FBXL20: variants seen among roughly 807,000 people sequenced by gnomAD.
The protein encoded by FBXL20 is F-box and leucine rich repeat protein 20.
FBXL20 carries 11 observed loss-of-function variants against 64.0 expected under a neutral mutation model. The observed-to-expected ratio is 0.17, with a 90% CI of 0.11 to 0.28. The LOEUF (loss-of-function observed/expected upper bound fraction) is 0.28. FBXL20 is among the 10% of genes least tolerant of loss of function. The pLI, the probability that FBXL20 is intolerant of heterozygous loss-of-function variation, is 1.00. For missense variants in FBXL20, 303 were observed against 526.2 expected, an observed-to-expected ratio of 0.58 and a Z score of 4.15; for synonymous variants, 184 against 189.0, an observed-to-expected ratio of 0.97 and a Z score of 0.22.
At chr17:39,365,236 T>C (rs1359047168) in intron 1 of FBXL20, among the ~76,000 whole-genome samples, 2 of 152,258 alleles carry the variant, frequency 1.3e-5, no homozygotes, top group East Asian at 3.8e-4. Context: ...CATTCCTTCA[T>C]TCAACCAACA....
chr17:39,400,736 T>C (rs762947423), intron 1 of FBXL20, among the ~76,000 whole-genome samples: 9 of 152,056 alleles, frequency 5.9e-5, no homozygotes, highest in African/African-American at 2.2e-4. Flanking sequence ...TGAACTTTCG[T>C]CCCAATCTCA....
chr17:39,278,524 T>C (rs1004694401), intron 9 of FBXL20, among the ~76,000 whole-genome samples: 7 of 150,774 alleles, frequency 4.6e-5, no homozygotes, highest in African/African-American at 1.5e-4. Context: ...CTGTGGTTGA[T>C]CTCTCAGGAG....
At chr17:39,363,215 T>A (rs1377660612) in intron 1 of FBXL20, among the ~76,000 whole-genome samples, 1 of 151,588 alleles carries the variant, frequency 6.6e-6, no homozygotes, top group Non-Finnish European at 1.5e-5. Flanking sequence ...GGTTTCTCCA[T>A]GTTGGTCAGG....
rs2046679215 is a variant in FBXL20, at chr17:39,254,671, T to A, written c.*6789A>T. ...TCAGAGAGGAAAGTAAATGTACCCA[T>A]GTGTGACACAGCCATCACTATGTAT... is the stretch of plus-strand genomic sequence containing the variant. On this transcript the variant is annotated 3_prime_UTR_variant, in exon 15 of 15. Coordinates refer to ENST00000264658, the MANE Select transcript of FBXL20 (RefSeq NM_032875.3). 6.5e-6 allele frequency: 1 copy of A among 154,516 alleles called. No individual in the cohort carries two copies. Among genetic ancestry groups the A allele is most frequent in the Admixed American group, 6.5e-5 (1 of 15,284 alleles). 9.6% of individuals were successfully genotyped at this position (154,516 alleles called of 1,614,324 possible).
chr17:39,368,689 T>C (rs8081561), intron 1 of FBXL20, among the ~76,000 whole-genome samples: 7,858 of 152,224 alleles, frequency 0.052, 668 homozygotes, highest in African/African-American at 0.18. Context: ...GGTGTCTCGC[T>C]CTGTTGCCCA....
intron 1 of FBXL20, among the ~76,000 whole-genome samples, chr17:39,343,695 CT>C (rs66827882): frequency 0.045 from 6,004 of 134,498 alleles, 363 homozygotes; most frequent in African/African-American, 0.15. Flanking sequence ...GGCGAAAACT[CT>C]TTTTTTTTTT....
At chr17:39,265,558 T>C (rs1250201767) in intron 12 of FBXL20, 105 bp from the exon 13 acceptor site, 2 of 782,812 alleles carry the variant, frequency 2.6e-6, no homozygotes, top group African/African-American at 4.0e-5. Context: ...CAGGCTAGAG[T>C]GTAGTGGTGC....
At position 39,256,320 on chromosome 17, in the gene FBXL20, C is replaced by CAAAA. The variant is rs34975638; in HGVS notation, c.*5136_*5139dup. ...TGGGTGACAGAGCGAGACTCCATGT[C>CAAAA]AAAAAAAAAAAAAAAAAAAAGAAAT... On this transcript the variant is annotated 3_prime_UTR_variant, in exon 15 of 15. Coordinates refer to ENST00000264658, the MANE Select transcript of FBXL20 (RefSeq NM_032875.3). The CAAAA allele has an allele frequency of 2.2e-5, 2 of 92,012 alleles. No homozygotes were observed. Among genetic ancestry groups the CAAAA allele is most frequent in the Non-Finnish European group, 4.5e-5 (2 of 44,094 alleles). The allele number at this position is 92,012 out of a possible 1,614,324, so 5.7% of individuals were successfully genotyped here. A position where few individuals can be genotyped will look rare whatever the true frequency, so the allele number is the denominator to read the frequency against.
intron 2 of FBXL20, among the ~76,000 whole-genome samples, chr17:39,333,879 G>A (rs574055528): frequency 2.5e-4 from 38 of 150,220 alleles, no homozygotes; most frequent in African/African-American, 9.1e-4. Flanking sequence ...CGGCTGCCCC[G>A]TCTGAGAAGT....
intron 2 of FBXL20, among the ~76,000 whole-genome samples, chr17:39,328,248 CAAAAAA>C (rs141259755): frequency 3.6e-5 from 2 of 55,092 alleles, no homozygotes; most frequent in African/African-American, 2.1e-4. Context: ...AACTCTGCCT[CAAAAAA>C]AAAAAAAAAA....
At position 39,260,466 on chromosome 17, in the gene FBXL20, T is replaced by C. The variant is rs189917041; in HGVS notation, c.*994A>G. The C allele has an allele frequency of 2.4e-4, 36 of 152,310 alleles. No homozygotes were observed. Among genetic ancestry groups the C allele is most frequent in the African/African-American group, 8.7e-4 (36 of 41,570 alleles). The allele number at this position is 152,310 out of a possible 1,614,324, so 9.4% of individuals were successfully genotyped here. Reference sequence around the variant, plus strand: ...ATGCGAATTATCACATATCAGAAGATAAAATAGAAACCAAAAGGTAGCATC... The same window carrying C: ...ATGCGAATTATCACATATCAGAAGACAAAATAGAAACCAAAAGGTAGCATC... On this transcript the variant is annotated 3_prime_UTR_variant, in exon 15 of 15. Transcript: ENST00000264658.
chr17:39,332,579 G>A (rs543417527), intron 2 of FBXL20, among the ~76,000 whole-genome samples: 1 of 120,484 alleles, frequency 8.3e-6, no homozygotes, highest in African/African-American at 3.2e-5. Context: ...GTCTCGCTCT[G>A]TGCCCAGGCT....
chr17:39,401,815 C>G, upstream of FBXL20: 1 of 708,890 alleles, frequency 1.4e-6, no homozygotes, highest in Non-Finnish European at 1.8e-6. Context: ...CTCCCGGGAG[C>G]AGCCGGTGCG....
chr17:39,302,884 C>T (rs556552806), intron 3 of FBXL20, among the ~76,000 whole-genome samples: 1 of 151,838 alleles, frequency 6.6e-6, no homozygotes, highest in East Asian at 1.9e-4. Context: ...TGATTTGGGA[C>T]TTAGAAAAGA....
At chr17:39,316,689 TAAG>T (rs1017271775) in intron 2 of FBXL20, among the ~76,000 whole-genome samples, 2 of 152,134 alleles carry the variant, frequency 1.3e-5, no homozygotes, top group Admixed American at 6.5e-5. Flanking sequence ...AACTGAAGTT[TAAG>T]AAGAATGGGA....
chr17:39,317,701 G>GTTTTTTTTTTTGT (rs2047309065), intron 2 of FBXL20, among the ~76,000 whole-genome samples: 2 of 44,282 alleles, frequency 4.5e-5, no homozygotes, highest in Non-Finnish European at 9.0e-5. Flanking sequence ...TTTTTTTTTT[G>GTTTTTTTTTTTGT]TTTTTTTTTT....
intron 1 of FBXL20, among the ~76,000 whole-genome samples, chr17:39,400,337 C>T (rs1487804769): frequency 1.3e-5 from 2 of 152,268 alleles, no homozygotes; most frequent in East Asian, 3.8e-4. Flanking sequence ...ACACCCTGAA[C>T]CTAGTTGTCG....
chr17:39,402,531 G>A, upstream of FBXL20: 1 of 267,810 alleles, frequency 3.7e-6, no homozygotes, highest in Non-Finnish European at 7.0e-6. Context: ...GGCCGGGGTC[G>A]GGGCGCGCGT....
intron 2 of FBXL20, among the ~76,000 whole-genome samples, chr17:39,310,196 C>T (rs573177707): frequency 2.7e-5 from 4 of 150,532 alleles, no homozygotes; most frequent in African/African-American, 9.8e-5. Flanking sequence ...CTTGCTGAAA[C>T]TCCTTCTGCT....
Sources: gnomAD v4.1 joint callset for allele counts (sites outside exome capture counted in the v4.1 genomes callset) on GRCh38, gnomAD v4.1.1 for gene constraint, MANE v1.5 for transcripts, NCBI Gene and HGNC (gene_info 2026-07-23, HGNC 2026-07-21) for gene names.